The following VPS13D variants were observed in gnomAD, a reference collection of about 807,000 sequenced individuals.
VPS13D encodes intermembrane lipid transfer protein VPS13D.
Under a neutral mutation model 461.9 loss-of-function variants are expected in VPS13D, and 187 were observed. That is an observed-to-expected ratio of 0.40 (90% confidence interval 0.36 to 0.46). VPS13D has a LOEUF of 0.46. Ranked by LOEUF, VPS13D falls within the 20% of genes least tolerant of loss-of-function variation. VPS13D has a pLI of 0.60. For missense variants in VPS13D, 4,711 were observed against 5,364.9 expected (o/e 0.88, Z 3.81); for synonymous variants, 1,951 against 1,986.3 (o/e 0.98, Z 0.47).
At chr1:12,324,209 A>G (rs1314024530) in intron 35 of VPS13D, among the ~76,000 whole-genome samples, 1 of 152,116 alleles carries the variant, frequency 6.6e-6, no homozygotes, top group African/African-American at 2.4e-5. Context: ...AGTAGTGGAT[A>G]AGAATTTGGG....
At chr1:12,334,306 T>C (rs533418723) in intron 38 of VPS13D, among the ~76,000 whole-genome samples, 9 of 152,356 alleles carry the variant, frequency 5.9e-5, no homozygotes, top group African/African-American at 1.9e-4. Context: ...CTAAACTGTA[T>C]TGTTTTGACT....
At chr1:12,425,712 AGAGG>A (rs1476300794) in intron 65 of VPS13D, among the ~76,000 whole-genome samples, 2 of 141,674 alleles carry the variant, frequency 1.4e-5, no homozygotes, top group South Asian at 5.2e-4. Flanking sequence ...AGGGAGGAAG[AGAGG>A]GAGGGAGGGA....
chr1:12,314,126 A>G lies in VPS13D; in HGVS notation c.6947A>G (p.Lys2316Arg). The G allele has an allele frequency of 6.2e-7, 1 of 1,614,044 alleles. No homozygotes were observed. The highest frequency in any genetic ancestry group is 8.5e-7 in the Non-Finnish European group (1 of 1,179,970). Residue 2316 changes from lysine to arginine, a missense_variant, in exon 30 of 70, where the codon AAG (lysine) becomes AGG (arginine). This residue lies in a region of VPS13D where 4,411 missense variants were observed against 4,937.8 expected (regional missense o/e 0.89). Coordinates refer to ENST00000620676, the MANE Select transcript of VPS13D (RefSeq NM_015378.4). ...TTTCTCTCTTTTAGATTTGACTTCA[A>G]GAAATGCAAACTGCTCTATGAAAGT... ...GAGSLARFDF[K>R]KCKLLYESFS...
At chr1:12,460,890 C>G (rs1645403596) in intron 67 of VPS13D, among the ~76,000 whole-genome samples, 1 of 152,064 alleles carries the variant, frequency 6.6e-6, no homozygotes, top group African/African-American at 2.4e-5. Context: ...TCTTAATTTT[C>G]CTTCCGCTTG....
At chr1:12,484,929 A>G (rs1049696444) in intron 67 of VPS13D, among the ~76,000 whole-genome samples, 4 of 151,926 alleles carry the variant, frequency 2.6e-5, no homozygotes, top group South Asian at 2.1e-4. Flanking sequence ...TGTTCTGCCA[A>G]TTTTTTAAAA....
intron 18 of VPS13D, among the ~76,000 whole-genome samples, chr1:12,273,336 A>G (rs1001381646): frequency 6.6e-6 from 1 of 152,220 alleles, no homozygotes; most frequent in Non-Finnish European, 1.5e-5. Context: ...ATGATTATCT[A>G]AGTAAAGCTT....
At chr1:12,434,749 T>G (rs921346856) in intron 65 of VPS13D, among the ~76,000 whole-genome samples, 9 of 152,236 alleles carry the variant, frequency 5.9e-5, no homozygotes, top group African/African-American at 2.2e-4. Flanking sequence ...TTCTGATACA[T>G]TCCACATAAG....
chr1:12,433,558 C>A (rs1645020282), intron 65 of VPS13D, among the ~76,000 whole-genome samples: 1 of 152,224 alleles, frequency 6.6e-6, no homozygotes, highest in Non-Finnish European at 1.5e-5. Flanking sequence ...CCGCCAGTGA[C>A]TCTGCAGCTG....
rs377009214 is a variant in VPS13D at position 12,230,987 on chromosome 1, C to G, written c.-77+867C>G. Reference sequence around the variant, plus strand: ...CCACCGGTCGCACAGCCGTCCCCGCCCCGGTTTTGGAGCTCCCTGGCGCCG... The same window carrying G: ...CCACCGGTCGCACAGCCGTCCCCGCGCCGGTTTTGGAGCTCCCTGGCGCCG... On this transcript the variant is annotated intron_variant, in intron 1 of 69. Transcript: ENST00000620676. 8.5e-5 allele frequency among the ~76,000 whole-genome samples: 13 copies of G among 152,258 alleles called. No homozygotes were observed. The South Asian group carries it at 1.5e-3, about 17-fold the overall frequency.
At chr1:12,347,371 C>A (rs935909965) in intron 44 of VPS13D, among the ~76,000 whole-genome samples, 1 of 152,244 alleles carries the variant, frequency 6.6e-6, no homozygotes, top group Admixed American at 6.5e-5. Flanking sequence ...GGGGTTTCAC[C>A]GTGTTAGCCA....
At chr1:12,340,630 CCTT>C (rs1643547949) in intron 40 of VPS13D, among the ~76,000 whole-genome samples, 1 of 152,182 alleles carries the variant, frequency 6.6e-6, no homozygotes, top group African/African-American at 2.4e-5. Context: ...TTCAGTTTTG[CCTT>C]AGTGTTCTCT....
Position 12,268,836 on chromosome 1 carries a change from A to T in VPS13D, c.1932A>T (p.Lys644Asn), listed in dbSNP as rs755016964. The T allele has an allele frequency of 6.2e-7, 1 of 1,613,668 alleles. No homozygotes were observed. The highest frequency in any genetic ancestry group is 1.3e-5 in the African/African-American group (1 of 75,028). Residue 644 changes from lysine (K) to asparagine (N), a missense_variant, in exon 16 of 70, where the codon AAA (lysine) becomes AAT (asparagine). By Grantham distance (94) the Lys-to-Asn change is moderately conservative. Coordinates refer to ENST00000620676, the MANE Select transcript of VPS13D (RefSeq NM_015378.4). ...NIIYNPQAIK[K>N]VADFFYKGKV... is the part of the protein sequence containing the mutation. ...TATACAATCCGCAGGCCATTAAAAA[A>T]GTAGCAGACTTTTTCTACAAGGGAA...
At chr1:12,232,395 T>C (rs1381659723) in intron 1 of VPS13D, among the ~76,000 whole-genome samples, 1 of 152,142 alleles carries the variant, frequency 6.6e-6, no homozygotes, top group Admixed American at 6.6e-5. Context: ...CTAAGATGAA[T>C]CACTAGAGGT....
At chr1:12,292,684 C>T (rs190116648) in intron 23 of VPS13D, among the ~76,000 whole-genome samples, 40 of 152,176 alleles carry the variant, frequency 2.6e-4, no homozygotes, top group Admixed American at 4.6e-4. Flanking sequence ...GGCAGTCTAC[C>T]GGCCTCGGCC....
At chr1:12,382,031 TTC>T (rs1188095542) in intron 57 of VPS13D, among the ~76,000 whole-genome samples, 5 of 149,098 alleles carry the variant, frequency 3.4e-5, no homozygotes, top group Non-Finnish European at 7.4e-5. Context: ...CTTCCTTTCT[TTC>T]TCTTTCTTTC....
intron 5 of VPS13D, among the ~76,000 whole-genome samples, chr1:12,246,275 A>G (rs745419164): frequency 2.0e-5 from 3 of 152,184 alleles, no homozygotes; most frequent in Non-Finnish European, 4.4e-5. Flanking sequence ...TGATGATTAC[A>G]TTTCAAAGGA....
intron 50 of VPS13D, among the ~76,000 whole-genome samples, chr1:12,359,767 T>C (rs1456597548): frequency 6.6e-6 from 1 of 152,258 alleles, no homozygotes; most frequent in Admixed American, 6.5e-5. Flanking sequence ...TGAACTGTCT[T>C]CTTAAAGTTG....
At chr1:12,321,650 G>A (rs1042574252) in intron 32 of VPS13D, among the ~76,000 whole-genome samples, 159 bp from the exon 33 acceptor site, 12 of 152,086 alleles carry the variant, frequency 7.9e-5, no homozygotes, top group Non-Finnish European at 1.6e-4. Flanking sequence ...TCTCGGCAGC[G>A]GTGGGGGGCT....
chr1:12,325,408 C>T (rs942701077), intron 35 of VPS13D, among the ~76,000 whole-genome samples: 37 of 152,074 alleles, frequency 2.4e-4, no homozygotes, highest in African/African-American at 7.5e-4. Context: ...TACAGGTGCC[C>T]GCCACCATGC....
Sources: gnomAD v4.1 joint callset for allele counts (sites outside exome capture counted in the v4.1 genomes callset) on GRCh38, gnomAD v4.1.1 for gene constraint, gnomAD v4.1.1 regional missense constraint, MANE v1.5 for transcripts, NCBI Gene and HGNC (gene_info 2026-07-23, HGNC 2026-07-21) for gene names.